NRG3: variants seen among roughly 807,000 people sequenced by gnomAD.
NRG3 encodes pro-neuregulin-3, membrane-bound isoform.
In NRG3, 31 loss-of-function variants were observed where a neutral mutation model predicts 66.9. The ratio of observed to expected loss-of-function variants is 0.46; its 90% CI spans 0.35 to 0.63. NRG3 has a LOEUF of 0.63. NRG3 is among the 20% of genes least tolerant of loss of function. The probability of loss-of-function intolerance (pLI) is 0.00; values close to 1 mark genes in which losing one functional copy is unlikely to be tolerated. For missense variants in NRG3, 910 were observed against 878.9 expected (o/e 1.04, Z -0.45); for synonymous variants, 393 against 359.4 (o/e 1.09, Z -1.06).
rs1009259285 is a variant in NRG3, at chr10:82,985,471, G to C, written c.1957G>C (p.Ala653Pro). 6.2e-7 allele frequency: 1 copy of C among 1,613,936 alleles called. No individual in the cohort carries two copies. The highest frequency in any genetic ancestry group is 8.5e-7 in the Non-Finnish European group (1 of 1,180,000). The change falls in exon 9 of 9, where the codon GCC becomes CCC. Residue 653 changes from alanine (A) to proline (P), a missense_variant. Physicochemically the swap from Ala to Pro is conservative, Grantham distance 27. Coordinates refer to ENST00000372141, the MANE Select transcript of NRG3 (RefSeq NM_001010848.4). ...CAGACGGTCAGAAGACTACGAACTG[G>C]CCAGCGTAGAAACCGAGGACAGTGC... ...DARRSEDYELASVETEDSASE... is the reference protein window; with the variant it reads ...DARRSEDYELPSVETEDSASE...
chr10:82,101,207 C>T (rs2066705051), intron 1 of NRG3, among the ~76,000 whole-genome samples: 1 of 151,738 alleles, frequency 6.6e-6, no homozygotes, highest in Admixed American at 6.6e-5. Flanking sequence ...TTTGTGATAA[C>T]TCTCTTTGTT....
chr10:82,092,836 A>G (rs1250939261), intron 1 of NRG3, among the ~76,000 whole-genome samples: 1 of 152,162 alleles, frequency 6.6e-6, no homozygotes, highest in East Asian at 1.9e-4. Flanking sequence ...CTTTGACACA[A>G]ACTACTAAAT....
intron 4 of NRG3, among the ~76,000 whole-genome samples, chr10:82,937,926 GT>G (rs1848240497): frequency 6.6e-6 from 1 of 152,182 alleles, no homozygotes; most frequent in African/African-American, 2.4e-5. Flanking sequence ...GAAATGAGCT[GT>G]AAGTCTCATA....
chr10:82,860,973 C>G (rs1031950491), intron 3 of NRG3, among the ~76,000 whole-genome samples: 3 of 152,088 alleles, frequency 2.0e-5, no homozygotes, highest in African/African-American at 7.2e-5. Flanking sequence ...AGAAATAGTG[C>G]GATTTATGAT....
At chr10:82,268,278 A>G (rs971100953) in intron 1 of NRG3, among the ~76,000 whole-genome samples, 3 of 152,114 alleles carry the variant, frequency 2.0e-5, no homozygotes, top group African/African-American at 4.8e-5. Context: ...ACACTGTGAG[A>G]CCTGAGGCTT....
intron 1 of NRG3, among the ~76,000 whole-genome samples, chr10:81,990,645 C>A (rs1407207685): frequency 6.6e-6 from 1 of 152,020 alleles, no homozygotes; most frequent in African/African-American, 2.4e-5. Flanking sequence ...TGTTAATGAC[C>A]ATATTTTTTA....
chr10:82,616,454 G>A (rs181911475), intron 2 of NRG3, among the ~76,000 whole-genome samples: 3 of 152,260 alleles, frequency 2.0e-5, no homozygotes, highest in African/African-American at 4.8e-5. Flanking sequence ...AGGTAATGGT[G>A]TAAGCACTTT....
At chr10:82,006,262 G>A (rs1383908465) in intron 1 of NRG3, among the ~76,000 whole-genome samples, 1 of 151,828 alleles carries the variant, frequency 6.6e-6, no homozygotes, top group African/African-American at 2.4e-5. Context: ...AGTGTCTTAT[G>A]TCAACTGTCT....
At chr10:82,762,044 C>T in intron 3 of NRG3, among the ~76,000 whole-genome samples, 1 of 138,236 alleles carries the variant, frequency 7.2e-6, no homozygotes, top group East Asian at 2.1e-4. Flanking sequence ...CTTTCTTTTC[C>T]TTTCTCTCTT....
chr10:82,522,629 C>T (rs147986216), intron 2 of NRG3, among the ~76,000 whole-genome samples: 157 of 151,340 alleles, frequency 1.0e-3, no homozygotes, highest in African/African-American at 3.5e-3. Context: ...ACTTGGTTGC[C>T]ACAAACCGTC....
intron 2 of NRG3, among the ~76,000 whole-genome samples, chr10:82,435,789 T>C (rs1261061702): frequency 3.4e-5 from 5 of 146,810 alleles, no homozygotes; most frequent in African/African-American, 1.2e-4. Flanking sequence ...CTTTTTTTTT[T>C]TTTTTTTTTT....
intron 1 of NRG3, among the ~76,000 whole-genome samples, chr10:81,907,952 C>G (rs1844751230): frequency 6.6e-6 from 1 of 152,092 alleles, no homozygotes; most frequent in Non-Finnish European, 1.5e-5. Context: ...AATCAATATG[C>G]CTAATTGTGT....
intron 1 of NRG3, among the ~76,000 whole-genome samples, chr10:82,299,968 A>G (rs1222547245): frequency 1.3e-5 from 2 of 152,216 alleles, no homozygotes; most frequent in South Asian, 2.1e-4. Context: ...TAAACTGTAA[A>G]CCAGATTGGA....
At chr10:82,361,679 AAAAATACTT>A (rs1286193748) in intron 2 of NRG3, among the ~76,000 whole-genome samples, 1 of 152,194 alleles carries the variant, frequency 6.6e-6, no homozygotes, top group Non-Finnish European at 1.5e-5. Context: ...TTGGAGTAAG[AAAAATACTT>A]CATCGTTAGG....
chr10:82,150,949 G>A (rs2070700446), intron 1 of NRG3, among the ~76,000 whole-genome samples: 1 of 152,146 alleles, frequency 6.6e-6, no homozygotes, highest in African/African-American at 2.4e-5. Context: ...AGGAAATCTT[G>A]ACAAAACTTG....
chr10:82,539,958 A>G (rs569203702), intron 2 of NRG3, among the ~76,000 whole-genome samples: 9 of 152,124 alleles, frequency 5.9e-5, no homozygotes, highest in Non-Finnish European at 1.3e-4. Flanking sequence ...TTATATTAAT[A>G]TAATCAACTA....
chr10:82,938,097 C>G (rs1217638125), intron 4 of NRG3, among the ~76,000 whole-genome samples: 1 of 151,920 alleles, frequency 6.6e-6, no homozygotes, highest in Non-Finnish European at 1.5e-5. Context: ...CGAATTTCTC[C>G]CTTGATTGAC....
intron 1 of NRG3, among the ~76,000 whole-genome samples, chr10:82,141,651 A>G (rs1331672605): frequency 6.6e-6 from 1 of 152,112 alleles, no homozygotes; most frequent in African/African-American, 2.4e-5. Context: ...AAAAAAAATC[A>G]CAGTGATTCT....
intron 2 of NRG3, among the ~76,000 whole-genome samples, chr10:82,527,960 T>C (rs1261440368): frequency 1.1e-5 from 1 of 94,060 alleles, no homozygotes; most frequent in Non-Finnish European, 2.1e-5. Flanking sequence ...GGGGTGGGGG[T>C]GGGGCTGGCT....
Sources: allele counts gnomAD v4.1 joint callset (sites outside exome capture counted in the v4.1 genomes callset), GRCh38; gene constraint gnomAD v4.1.1; transcripts MANE v1.5; gene names NCBI Gene and HGNC (gene_info 2026-07-23, HGNC 2026-07-21).